CCDC178: variants seen among roughly 807,000 people sequenced by gnomAD.
CCDC178 encodes coiled-coil domain containing 178.
Under a neutral mutation model 117.4 loss-of-function variants are expected in CCDC178, and 126 were observed. The observed-to-expected ratio is 1.07, with a 90% CI of 0.93 to 1.24. The LOEUF is 1.24. Ranked by LOEUF, CCDC178 falls within the 50% of genes most tolerant of loss-of-function variation. The probability of loss-of-function intolerance (pLI) is 0.00; values close to 1 mark genes in which losing one functional copy is unlikely to be tolerated. For synonymous variants in CCDC178, 283 were observed against 313.4 expected (o/e 0.90, Z 1.02); for missense variants, 1,030 against 986.9 (o/e 1.04, Z -0.59).
At chr18:33,060,276 G>A (rs1450860296) in intron 21 of CCDC178, among the ~76,000 whole-genome samples, 8 of 152,044 alleles carry the variant, frequency 5.3e-5, no homozygotes, top group Admixed American at 5.2e-4. Context: ...TAGGTTTATT[G>A]TCTCTAATAA....
intron 2 of CCDC178, among the ~76,000 whole-genome samples, chr18:33,418,459 C>A (rs1299626820): frequency 1.3e-5 from 2 of 152,102 alleles, no homozygotes; most frequent in African/African-American, 2.4e-5. Flanking sequence ...GTCACCACTT[C>A]TATTCAACAT....
chr18:33,222,001 A>C (rs1045882734), intron 18 of CCDC178, among the ~76,000 whole-genome samples: 1 of 152,128 alleles, frequency 6.6e-6, no homozygotes, highest in Non-Finnish European at 1.5e-5. Flanking sequence ...AAAATAATTA[A>C]ATTACATTAG....
chr18:32,957,072 T>C (rs780576444), intron 22 of CCDC178, among the ~76,000 whole-genome samples: 4 of 152,174 alleles, frequency 2.6e-5, no homozygotes, highest in Non-Finnish European at 4.4e-5. Context: ...ATTTTGACTT[T>C]TGAATGAATC....
chr18:33,089,817 A>G (rs1163259521), intron 21 of CCDC178, among the ~76,000 whole-genome samples: 3 of 152,158 alleles, frequency 2.0e-5, no homozygotes, highest in Non-Finnish European at 4.4e-5. Flanking sequence ...TATTTTTATA[A>G]AAAGTATTTG....
intron 21 of CCDC178, among the ~76,000 whole-genome samples, chr18:32,992,722 T>G (rs1303757961): frequency 2.0e-5 from 3 of 152,182 alleles, no homozygotes. Flanking sequence ...TTTAATTAGC[T>G]TGACTGAATC....
intron 21 of CCDC178, among the ~76,000 whole-genome samples, chr18:32,979,757 T>C (rs1421844333): frequency 6.6e-6 from 1 of 152,152 alleles, no homozygotes; most frequent in African/African-American, 2.4e-5. Context: ...ACTGAGAATA[T>C]GTAATGAGAC....
At chr18:33,081,981 T>C (rs2057305106) in intron 21 of CCDC178, among the ~76,000 whole-genome samples, 1 of 152,198 alleles carries the variant, frequency 6.6e-6, no homozygotes, top group Non-Finnish European at 1.5e-5. Context: ...CTGTCCACAA[T>C]ATTTTTCCAA....
At chr18:33,416,237 C>G (rs1399544375) in intron 2 of CCDC178, among the ~76,000 whole-genome samples, 1 of 152,152 alleles carries the variant, frequency 6.6e-6, no homozygotes. Context: ...ACCATCCTGA[C>G]TGACACGGTG....
At chr18:32,951,149 C>G (rs979603363) in intron 22 of CCDC178, among the ~76,000 whole-genome samples, 1 of 152,062 alleles carries the variant, frequency 6.6e-6, no homozygotes, top group Non-Finnish European at 1.5e-5. Flanking sequence ...TCAGTTATTA[C>G]CTATGTTAAC....
intron 20 of CCDC178, among the ~76,000 whole-genome samples, chr18:33,165,711 T>A (rs1196075260): frequency 6.6e-6 from 1 of 152,196 alleles, no homozygotes; most frequent in East Asian, 1.9e-4. Flanking sequence ...GTAAAAATGA[T>A]GTTTTATTTA....
chr18:33,354,644 T>A (rs2063028175), intron 7 of CCDC178, among the ~76,000 whole-genome samples: 1 of 149,176 alleles, frequency 6.7e-6, no homozygotes, highest in African/African-American at 2.5e-5. Flanking sequence ...AGAGTCTCAC[T>A]CTGTCGCCCA....
intron 21 of CCDC178, among the ~76,000 whole-genome samples, chr18:33,043,879 T>G (rs1362936859): frequency 6.6e-6 from 1 of 151,830 alleles, no homozygotes; most frequent in Non-Finnish European, 1.5e-5. Flanking sequence ...CGTAATAGTT[T>G]AATTCAACTT....
At chr18:33,061,132 T>C (rs1187411990) in intron 21 of CCDC178, among the ~76,000 whole-genome samples, 1 of 152,110 alleles carries the variant, frequency 6.6e-6, no homozygotes, top group African/African-American at 2.4e-5. Flanking sequence ...GATGTAGATA[T>C]AATTTTTAAC....
intron 21 of CCDC178, among the ~76,000 whole-genome samples, chr18:32,998,821 C>T (rs975433770): frequency 2.6e-5 from 4 of 151,900 alleles, no homozygotes; most frequent in Admixed American, 1.3e-4. Context: ...GAATAATGAG[C>T]GGTCATACCC....
intron 21 of CCDC178, among the ~76,000 whole-genome samples, chr18:33,069,001 AG>A (rs1301783692): frequency 6.6e-6 from 1 of 152,172 alleles, no homozygotes; most frequent in Non-Finnish European, 1.5e-5. Context: ...TACAAAAATC[AG>A]GAGCATTTGT....
intron 22 of CCDC178, among the ~76,000 whole-genome samples, chr18:32,972,966 C>A (rs1361634517): frequency 6.6e-6 from 1 of 152,026 alleles, no homozygotes; most frequent in African/African-American, 2.4e-5. Flanking sequence ...TCACGTTCCC[C>A]AAATACAATC....
At chr18:33,216,264 G>T (rs2059164055) in intron 18 of CCDC178, among the ~76,000 whole-genome samples, 1 of 152,056 alleles carries the variant, frequency 6.6e-6, no homozygotes, top group Non-Finnish European at 1.5e-5. Flanking sequence ...GTCGTCACTG[G>T]TTTTCAAACA....
At chr18:33,379,960 G>A (rs2063420213) in intron 5 of CCDC178, among the ~76,000 whole-genome samples, 1 of 152,136 alleles carries the variant, frequency 6.6e-6, no homozygotes, top group South Asian at 2.1e-4. Context: ...GGCTGGGTGT[G>A]GAGCAGAGAG....
chr18:33,084,523 G>A (rs1016452427), intron 21 of CCDC178, among the ~76,000 whole-genome samples: 1 of 151,862 alleles, frequency 6.6e-6, no homozygotes, highest in African/African-American at 2.4e-5. Flanking sequence ...TATAAGATTC[G>A]GATTAACGGC....
Sources: allele counts gnomAD v4.1 joint callset (sites outside exome capture counted in the v4.1 genomes callset), GRCh38; gene constraint gnomAD v4.1.1; transcripts MANE v1.5; gene names NCBI Gene and HGNC (gene_info 2026-07-23, HGNC 2026-07-21).